Variants in ADAD2 observed in about 807,000 individuals in gnomAD.
The protein encoded by ADAD2 is adenosine deaminase domain-containing protein 2.
Under a neutral mutation model 54.5 loss-of-function variants are expected in ADAD2, and 60 were observed. The ratio of observed to expected loss-of-function variants is 1.10; its 90% CI spans 0.89 to 1.36. The LOEUF is 1.36. Ranked by LOEUF, ADAD2 falls within the 40% of genes most tolerant of loss-of-function variation. ADAD2 has a pLI of 0.00. For missense variants in ADAD2, 1,103 were observed against 801.3 expected (o/e 1.38, Z -4.54); for synonymous variants, 543 against 366.2 (o/e 1.48, Z -5.51).
chr16:84,195,179 GTCATCC>G lies in ADAD2; in HGVS notation c.720_725del (p.Ile241_Leu242del). The G allele has an allele frequency of 6.2e-7, 1 of 1,613,196 alleles. No individual in the cohort carries two copies. Among genetic ancestry groups the G allele is most frequent in the Non-Finnish European group, 8.5e-7 (1 of 1,179,904 alleles). ...GGCCTGTAAGGGGACTGTGGCTGGA[GTCATCC>G]TGGAGAGGGGTAGGGATCGCCCCAG... is the stretch of plus-strand genomic sequence containing the variant. On this transcript the variant is annotated inframe_deletion, in exon 4 of 10. Transcript: ENST00000315906.
chr16:84,191,578 C>A lies in ADAD2; in HGVS notation c.348C>A (p.Ala116=). ...TCAAAGACCCACCTGCCAGCCAGGCCGTGTCCTTGCTCACGGAGTACGCGG... is the reference window on the plus strand; with the variant it reads ...TCAAAGACCCACCTGCCAGCCAGGCAGTGTCCTTGCTCACGGAGTACGCGG... ...LPLKDPPASQ[A]VSLLTEYAAS... The change falls in exon 1 of 10, where the codon GCC becomes GCA. Residue 116 remains alanine (A), a synonymous_variant. Transcript: ENST00000315906. The A allele has an allele frequency of 1.9e-6, 3 of 1,549,630 alleles. No individual in the cohort carries two copies. Among genetic ancestry groups the A allele is most frequent in the South Asian group, 2.4e-5 (2 of 84,084 alleles).
rs747540159 is a variant in ADAD2, at chr16:84,191,374, G to GCCCGCC, written c.149_150insCCCCGC (p.Pro49_Ala50dup). 1.7e-5 allele frequency: 26 copies of GCCCGCC among 1,527,658 alleles called. No homozygotes were observed. Among genetic ancestry groups the GCCCGCC allele is most frequent in the Non-Finnish European group, 2.3e-5 (26 of 1,142,556 alleles). 94.6% of individuals were successfully genotyped at this position (1,527,658 alleles called of 1,614,324 possible). A position where few individuals can be genotyped will look rare whatever the true frequency, so the allele number is the denominator to read the frequency against. On this transcript the variant is annotated inframe_insertion, in exon 1 of 10. Coordinates refer to ENST00000315906, the MANE Select transcript of ADAD2 (RefSeq NM_001145400.2). ...AAAGTGCCTGGGGGCCCGCGCCCGCGCCCGCGACGTATCGCGCGGAGGGCG... is the reference window on the plus strand; with the variant it reads ...AAAGTGCCTGGGGGCCCGCGCCCGCGCCCGCCCCCGCGACGTATCGCGCGGAGGGCG...
chr16:84,196,460 C>T (rs1050336656), intron 8 of ADAD2, 90 bp downstream of exon 8: 6 of 1,546,940 alleles, frequency 3.9e-6, no homozygotes, highest in South Asian at 2.5e-5. Context: ...CTAATCCCAG[C>T]GCAACCCCTT....
intron 2 of ADAD2, 41 bp downstream of exon 2, chr16:84,194,623 A>T: frequency 6.3e-7 from 1 of 1,579,180 alleles, no homozygotes; most frequent in South Asian, 1.2e-5. Context: ...GCAGCTGGGG[A>T]CAAGAGGACT....
intron 1 of ADAD2, chr16:84,192,700 C>G (rs957603219): frequency 6.6e-6 from 1 of 152,112 alleles, no homozygotes; most frequent in Non-Finnish European, 1.5e-5. Flanking sequence ...ACACCAAGCC[C>G]GGCTAATTTA....
At chr16:84,192,155 T>A (rs1202616493) in intron 1 of ADAD2, among the ~76,000 whole-genome samples, 2 of 152,024 alleles carry the variant, frequency 1.3e-5, no homozygotes, top group Non-Finnish European at 2.9e-5. Flanking sequence ...GTGTTTTGGA[T>A]TTTTTTTGAG....
At chr16:84,193,368 A>G (rs1231751134) in intron 1 of ADAD2, 1 of 152,098 alleles carries the variant, frequency 6.6e-6, no homozygotes, top group Non-Finnish European at 1.5e-5. Context: ...CTTTCACAAC[A>G]TTGATGTCTT....
Position 84,195,538 on chromosome 16 carries a change from T to C in ADAD2, c.893T>C (p.Phe298Ser). ...IARRALLRFL[F>S]RQLLLATQGG... ...GTGCCTGTCGCTCCTAGGTTCTTGTTCCGGCAGCTCCTGCTGGCCACACAG... is the reference window on the plus strand; with the variant it reads ...GTGCCTGTCGCTCCTAGGTTCTTGTCCCGGCAGCTCCTGCTGGCCACACAG... Residue 298 changes from phenylalanine to serine, a missense_variant, in exon 6 of 10, where the codon TTC becomes TCC. Coordinates refer to ENST00000315906, the MANE Select transcript of ADAD2 (RefSeq NM_001145400.2). 6.3e-7 allele frequency: 1 copy of C among 1,597,206 alleles called. No homozygotes were observed. The highest frequency in any genetic ancestry group is 1.1e-5 in the South Asian group (1 of 89,044).
chr16:84,196,586 A>G (rs1307631422), intron 8 of ADAD2, 61 bp from the exon 9 acceptor site: 12 of 1,591,866 alleles, frequency 7.5e-6, no homozygotes, highest in Non-Finnish European at 1.0e-5. Flanking sequence ...TGAGGTGTGT[A>G]GCAGGCCTGC....
chr16:84,195,889 T>C lies in ADAD2; in HGVS notation c.1127T>C (p.Leu376Pro), dbSNP rs200658205. The change falls in exon 7 of 10, where the codon CTG (leucine) becomes CCG (proline). Residue 376 changes from leucine (L) to proline (P), a missense_variant. By Grantham distance (98) the Leu-to-Pro change is moderately conservative (BLOSUM62 -3). Coordinates refer to ENST00000315906, the MANE Select transcript of ADAD2 (RefSeq NM_001145400.2). ...MRLQAHVLGQ[L>P]KPVCYVAPSL... is the part of the protein sequence containing the mutation. ...CTGCAGGCCCATGTGCTCGGGCAGC[T>C]GAAGCCTGTGTGCTACGTGGCGCCC... is the stretch of plus-strand genomic sequence containing the variant. 4 of 1,603,536 alleles carry C rather than the reference T, an allele frequency of 2.5e-6. No homozygotes were observed. Among genetic ancestry groups the C allele is most frequent in the Non-Finnish European group, 3.4e-6 (4 of 1,179,540 alleles).
intron 1 of ADAD2, 193 bp from the exon 2 acceptor site, chr16:84,194,249 G>C: frequency 6.4e-7 from 1 of 1,554,172 alleles, no homozygotes; most frequent in Non-Finnish European, 8.7e-7. Context: ...TCAGCGATGG[G>C]TCACAGCCTG....
rs2089721942 is a variant in ADAD2 at position 84,195,843 on chromosome 16, C to T, written c.1081C>T (p.Pro361Ser). The T allele has an allele frequency of 3.7e-6, 6 of 1,607,170 alleles. No individual in the cohort carries two copies. Among genetic ancestry groups the T allele is most frequent in the Non-Finnish European group, 5.1e-6 (6 of 1,178,886 alleles). ...YLPPTSEGGL[P>S]HSPPMRLQAH... is the part of the protein sequence containing the mutation. ...GCCCCCCACCTCGGAAGGTGGCCTC[C>T]CGCACAGCCCACCCATGCGCCTGCA... Residue 361 changes from proline (P) to serine (S), a missense_variant, in exon 7 of 10, where the codon CCG (proline) becomes TCG (serine). By Grantham distance (74) the Pro-to-Ser change is moderately conservative. Transcript: ENST00000315906.
In ADAD2 at chr16:84,195,673, C is replaced by A; in HGVS notation, c.1028C>A (p.Pro343His). The A allele has an allele frequency of 1.3e-6, 2 of 1,571,944 alleles. No individual in the cohort carries two copies. Among genetic ancestry groups the A allele is most frequent in the South Asian group, 1.2e-5 (1 of 84,850 alleles). ...CTGCACCTCTACATCAGCAACACCC[C>A]CAAGGGCGCGGCCCGTGACATCTAG... Reference protein sequence around the residue: ...VFLHLYISNTPKGAARDIYLP... With the variant: ...VFLHLYISNTHKGAARDIYLP... Residue 343 changes from proline (P) to histidine (H), a missense_variant, in exon 6 of 10, where the codon CCC becomes CAC. Coordinates refer to ENST00000315906, the MANE Select transcript of ADAD2 (RefSeq NM_001145400.2).
In ADAD2 at chr16:84,195,441, G is replaced by C. The variant is rs1423565343; in HGVS notation, c.879G>C (p.Leu293=). 1.2e-6 allele frequency: 2 copies of C among 1,609,678 alleles called. No homozygotes were observed. The highest frequency in any genetic ancestry group is 2.2e-5 in the East Asian group (1 of 44,842). The change falls in exon 5 of 10, where the codon CTG becomes CTC. Residue 293 remains leucine, a synonymous_variant. Coordinates refer to ENST00000315906, the MANE Select transcript of ADAD2 (RefSeq NM_001145400.2). ...CHGLVIARRA[L]LRFLFRQLLL... Reference sequence around the variant, plus strand: ...GCCTGGTCATCGCCCGCAGGGCCCTGCTGAGGTGAGGGGCAGTGGGGTGGG... The same window carrying C: ...GCCTGGTCATCGCCCGCAGGGCCCTCCTGAGGTGAGGGGCAGTGGGGTGGG...
chr16:84,191,181 C>G lies in ADAD2; in HGVS notation c.-50C>G, dbSNP rs750684491. Reference sequence around the variant, plus strand: ...CACCCGCCCTGCGCGTGTGAAAGGGCGAGAGCAGCGCGAGATAGGGCCTAG... The same window carrying G: ...CACCCGCCCTGCGCGTGTGAAAGGGGGAGAGCAGCGCGAGATAGGGCCTAG... On this transcript the variant is annotated 5_prime_UTR_variant, in exon 1 of 10. Coordinates refer to ENST00000315906, the MANE Select transcript of ADAD2 (RefSeq NM_001145400.2). 1.7e-5 allele frequency: 27 copies of G among 1,573,402 alleles called. No individual in the cohort carries two copies. The highest frequency in any genetic ancestry group is 1.1e-4 in the South Asian group (10 of 88,022).
In ADAD2 at chr16:84,194,913, G is replaced by T. The variant is rs531874348; in HGVS notation, c.560-20G>T. 1.9e-6 allele frequency: 3 copies of T among 1,589,574 alleles called. No individual in the cohort carries two copies. Among genetic ancestry groups the T allele is most frequent in the East Asian group, 2.2e-5 (1 of 44,748 alleles). ...TGGGCCTTGGCACCCACACCAGCCC[G>T]CCCTCCTTGCCTCTTTCAGAGTCCC... On this transcript the variant is annotated intron_variant, in intron 2 of 9. Transcript: ENST00000315906.
Position 84,191,478 on chromosome 16 carries a change from C to G in ADAD2, c.248C>G (p.Ala83Gly). The part of the protein sequence containing the change: ...AGVGELGAAR[A>G]WENLGEQMGK... ...GTCGGGGAACTGGGGGCAGCCCGGG[C>G]GTGGGAAAACTTGGGGGAACAGATG... is the stretch of plus-strand genomic sequence containing the variant. The change falls in exon 1 of 10, where the codon GCG becomes GGG. Residue 83 changes from alanine to glycine, a missense_variant. Transcript: ENST00000315906. 2 of 1,538,598 alleles carry G rather than the reference C, an allele frequency of 1.3e-6. No homozygotes were observed. The highest frequency in any genetic ancestry group is 8.7e-7 in the Non-Finnish European group (1 of 1,144,226).
At chr16:84,196,555 A>G in intron 8 of ADAD2, 92 bp from the exon 9 acceptor site, 2 of 1,565,524 alleles carry the variant, frequency 1.3e-6, no homozygotes, top group East Asian at 4.5e-5. Context: ...TGACATTGTC[A>G]CAGTGTGAGA....
At chr16:84,194,683 G>T in intron 2 of ADAD2, 101 bp downstream of exon 2, 1 of 1,527,230 alleles carries the variant, frequency 6.5e-7, no homozygotes, top group Non-Finnish European at 8.8e-7. Context: ...GTGTGAGCAG[G>T]AGGTGGGTTG....
Sources: gnomAD v4.1 joint callset for allele counts (sites outside exome capture counted in the v4.1 genomes callset) on GRCh38, gnomAD v4.1.1 for gene constraint, MANE v1.5 for transcripts, NCBI Gene and HGNC (gene_info 2026-07-23, HGNC 2026-07-21) for gene names.